TRPM4: variants seen among roughly 807,000 people sequenced by gnomAD.
TRPM4 encodes calcium-activated non-selective cation channel 1.
TRPM4 carries 124 observed loss-of-function variants against 135.6 expected under a neutral mutation model. The ratio of observed to expected loss-of-function variants is 0.91; its 90% confidence interval spans 0.79 to 1.06. The LOEUF is 1.06. TRPM4 is among the 50% of genes least tolerant of loss of function. The probability of loss-of-function intolerance (pLI) is 0.00; values close to 1 mark genes in which losing one functional copy is unlikely to be tolerated. For missense variants in TRPM4, 1,658 were observed against 1,671.4 expected, an observed-to-expected ratio of 0.99 and a Z score of 0.14; for synonymous variants, 745 against 705.6, an observed-to-expected ratio of 1.06 and a Z score of -0.88.
rs750180966 is a variant in TRPM4, at chr19:49,182,955, G to A, written c.1608+33G>A. 10 of 1,582,176 alleles carry A rather than the reference G, an allele frequency of 6.3e-6. No homozygotes were observed. In the Admixed American group the frequency reaches 1.2e-4, roughly 19 times the overall value. ...CCGGGCAAAGCTGGGGGGCCCCCCC[G>A]CGCGGGAAGGACCTGGGGGCGGGAT... On this transcript the variant is annotated intron_variant, in intron 11 of 24. Transcript: ENST00000252826.
intron 16 of TRPM4, among the ~76,000 whole-genome samples, chr19:49,193,140 GCA>G (rs1968475804): frequency 2.7e-5 from 4 of 150,248 alleles, no homozygotes; most frequent in Non-Finnish European, 5.9e-5. Flanking sequence ...GAGTGCAGTG[GCA>G]TGATCTCGGC....
intron 9 of TRPM4, among the ~76,000 whole-genome samples, chr19:49,177,998 T>C (rs1967765508): frequency 6.6e-6 from 1 of 152,034 alleles, no homozygotes; most frequent in South Asian, 2.1e-4. Flanking sequence ...AGGCTGTCCT[T>C]GAGAGGCAGC....
rs369069148 is a variant in TRPM4 at position 49,176,339 on chromosome 19, C to T, written c.1150+4231C>T. 2.0e-3 allele frequency among the ~76,000 whole-genome samples: 302 copies of T among 152,202 alleles called. 3 individuals carry two copies. The South Asian group carries it at 0.036, about 18-fold the overall frequency. On this transcript the variant is annotated intron_variant, in intron 9 of 24. Coordinates refer to ENST00000252826, the MANE Select transcript of TRPM4 (RefSeq NM_017636.4). Reference sequence around the variant, plus strand: ...AGATCCTGGGCTCAAGTGATTCTCTCGCATCAGCCTCTGAGTAGCTGTGCG... The same window carrying T: ...AGATCCTGGGCTCAAGTGATTCTCTTGCATCAGCCTCTGAGTAGCTGTGCG...
chr19:49,179,412 G>A (rs1053009033), intron 9 of TRPM4, among the ~76,000 whole-genome samples: 7 of 151,378 alleles, frequency 4.6e-5, no homozygotes, highest in Middle Eastern at 3.5e-3. Context: ...ATGCAGTGAC[G>A]TGATCTCGGC....
chr19:49,211,721 G>A lies in TRPM4; in HGVS notation c.*223G>A. On this transcript the variant is annotated 3_prime_UTR_variant, in exon 25 of 25. Transcript: ENST00000252826. The surrounding 1 kb of genome is among the most constrained non-coding windows in gnomAD (Gnocchi z 4.8). ...TCCCAGCCTGGGAGGATCAAGGCCTGGATCCCGGGCCGTTATCCATCTGGA... is the reference window on the plus strand; with the variant it reads ...TCCCAGCCTGGGAGGATCAAGGCCTAGATCCCGGGCCGTTATCCATCTGGA... The A allele has an allele frequency of 1.6e-6, 1 of 637,960 alleles. No individual in the cohort carries two copies. Among genetic ancestry groups the A allele is most frequent in the Non-Finnish European group, 2.8e-6 (1 of 363,258 alleles). The allele number at this position is 637,960 out of a possible 1,614,324, so 39.5% of individuals were successfully genotyped here. A position where few individuals can be genotyped will look rare whatever the true frequency, so the allele number is the denominator to read the frequency against.
In TRPM4 at chr19:49,171,963, T is replaced by G. The variant is rs1229098425; in HGVS notation, c.1051-46T>G. 5 of 1,527,380 alleles carry G rather than the reference T, an allele frequency of 3.3e-6. No individual in the cohort carries two copies. The South Asian group carries it at 3.4e-5, about 10-fold the overall frequency. The allele number at this position is 1,527,380 out of a possible 1,614,324, so 94.6% of individuals were successfully genotyped here. On this transcript the variant is annotated intron_variant, in intron 8 of 24. Transcript: ENST00000252826. This position sits in a 1 kb window ranked among gnomAD's most constrained non-coding sequence, Gnocchi z 4.7. ...CCCTTTGGACAGGGCCCAACAGGAGTTGGGGATGGAGGCGGGCTAGGGATG... is the reference window on the plus strand; with the variant it reads ...CCCTTTGGACAGGGCCCAACAGGAGGTGGGGATGGAGGCGGGCTAGGGATG...
intron 20 of TRPM4, among the ~76,000 whole-genome samples, chr19:49,204,144 T>C (rs1969058709): frequency 6.6e-6 from 1 of 152,092 alleles, no homozygotes; most frequent in Non-Finnish European, 1.5e-5. Flanking sequence ...ACATTTGATT[T>C]ACCCGCTCAT....
chr19:49,210,739 A>T lies in TRPM4; in HGVS notation c.3358A>T (p.Lys1120Ter), dbSNP rs1446261499. The change falls in exon 22 of 25, where the codon AAG becomes TAG. Residue 1120 changes from lysine (K) to a stop codon, truncating the protein, a stop_gained. Transcript: ENST00000252826. LOFTEE classifies it high-confidence loss of function. This position sits in a 1 kb window ranked among gnomAD's most constrained non-coding sequence, Gnocchi z 4.1. ...RVYLSKEAER[K>*]LLTWESVHKE... ...TTACCTTTCTAAGGAAGCCGAGCGG[A>T]AGCTGCTAACGTGGGAATCGGTGCA... The T allele has an allele frequency of 1.2e-6, 2 of 1,614,044 alleles. No individual in the cohort carries two copies. Among genetic ancestry groups the T allele is most frequent in the Non-Finnish European group, 1.7e-6 (2 of 1,180,052 alleles).
intron 6 of TRPM4, 49 bp downstream of exon 6, chr19:49,168,785 C>T (rs1967341623): frequency 1.3e-6 from 2 of 1,540,582 alleles, no homozygotes; most frequent in Non-Finnish European, 1.8e-6. Context: ...CAACCTGCAA[C>T]CCCAGCGCTC....
At chr19:49,162,721 A>G (rs1344343316) in intron 2 of TRPM4, among the ~76,000 whole-genome samples, 1 of 152,096 alleles carries the variant, frequency 6.6e-6, no homozygotes, top group Non-Finnish European at 1.5e-5. Flanking sequence ...TCCTGGCCAC[A>G]GGGGGCTACT....
intron 9 of TRPM4, among the ~76,000 whole-genome samples, chr19:49,177,608 G>T (rs1199732920): frequency 5.3e-5 from 8 of 152,134 alleles, no homozygotes; most frequent in African/African-American, 1.4e-4. Flanking sequence ...TTACAGGTGT[G>T]AGCCACCACC....
intron 2 of TRPM4, 199 bp downstream of exon 2, chr19:49,158,458 G>T: frequency 3.2e-6 from 2 of 620,102 alleles, no homozygotes; most frequent in Non-Finnish European, 5.8e-6. Context: ...CCATTCTCCC[G>T]CTCAGGGTCA....
chr19:49,182,676 C>G lies in TRPM4; in HGVS notation c.1362C>G (p.Phe454Leu), dbSNP rs762368652. 1.9e-6 allele frequency: 3 copies of G among 1,614,234 alleles called. No individual in the cohort carries two copies. Among genetic ancestry groups the G allele is most frequent in the South Asian group, 1.1e-5 (1 of 91,088 alleles). ...LISHGLSLGH[F>L]LTPMRLAQLY... is the part of the protein sequence containing the mutation. ...CCCACGGCCTCAGCCTGGGCCACTTCCTGACCCCGATGCGCCTGGCCCAAC... is the reference window on the plus strand; with the variant it reads ...CCCACGGCCTCAGCCTGGGCCACTTGCTGACCCCGATGCGCCTGGCCCAAC... The change falls in exon 11 of 25, where the codon TTC becomes TTG. Residue 454 changes from phenylalanine to leucine, a missense_variant. By Grantham distance (22) the Phe-to-Leu change is conservative. Around this residue, in one of 3 missense-constraint regions of TRPM4, gnomAD observed 1,412 missense variants for 1,408.7 expected, o/e 1.00. Transcript: ENST00000252826.
At position 49,167,931 on chromosome 19, in the gene TRPM4, TG is replaced by T; in HGVS notation, c.283del (p.Asp95ThrfsTer183). The T allele has an allele frequency of 6.2e-7, 1 of 1,614,130 alleles. No homozygotes were observed. Among genetic ancestry groups the T allele is most frequent in the Non-Finnish European group, 8.5e-7 (1 of 1,180,036 alleles). On this transcript the variant is annotated frameshift_variant, in exon 4 of 25. Coordinates refer to ENST00000252826, the MANE Select transcript of TRPM4 (RefSeq NM_017636.4). LOFTEE classifies it high-confidence loss of function. The part of the protein sequence containing the change: ...RKHSNFLRLS[D>X]RTDPAAVYSL... Reference sequence around the variant, plus strand: ...TGTGTCCACAGTTCCTCCGGCTCTCTGACCGAACGGATCCAGCTGCAGTTTA... The same window carrying T: ...TGTGTCCACAGTTCCTCCGGCTCTCTACCGAACGGATCCAGCTGCAGTTTA...
At chr19:49,204,475 C>T (rs940610344) in intron 20 of TRPM4, among the ~76,000 whole-genome samples, 1 of 151,962 alleles carries the variant, frequency 6.6e-6, no homozygotes, top group Admixed American at 6.6e-5. Flanking sequence ...TGGCTCATGC[C>T]TGTAATCCCA....
chr19:49,203,621 T>G (rs1430620490), intron 20 of TRPM4, among the ~76,000 whole-genome samples: 1 of 152,190 alleles, frequency 6.6e-6, no homozygotes. Flanking sequence ...AACTCCCCAC[T>G]TCCCCTCCCC....
intron 12 of TRPM4, among the ~76,000 whole-genome samples, chr19:49,188,035 C>T (rs1292758115): frequency 1.3e-5 from 2 of 152,254 alleles, no homozygotes; most frequent in East Asian, 1.9e-4. Context: ...CCAGAGGCTG[C>T]GTGACCCCTA....
At chr19:49,192,178 C>G (rs759244147) in intron 16 of TRPM4, among the ~76,000 whole-genome samples, 14 of 152,192 alleles carry the variant, frequency 9.2e-5, no homozygotes, top group Non-Finnish European at 1.9e-4. Flanking sequence ...GAGTCTTGCT[C>G]TGTCGCCAGG....
At position 49,171,728 on chromosome 19, in the gene TRPM4, C is replaced by G; in HGVS notation, c.1009C>G (p.Arg337Gly). The change falls in exon 8 of 25, where the codon CGT (arginine) becomes GGT (glycine). Residue 337 changes from arginine to glycine, a missense_variant. Transcript: ENST00000252826. This position sits in a 1 kb window ranked among gnomAD's most constrained non-coding sequence, Gnocchi z 4.7. ...RQGEARDRIR[R>G]FFPKGDLEVL... Reference sequence around the variant, plus strand: ...AGGCGAAGCCCGAGATCGAATCAGGCGTTTCTTTCCCAAAGGGGACCTTGA... The same window carrying G: ...AGGCGAAGCCCGAGATCGAATCAGGGGTTTCTTTCCCAAAGGGGACCTTGA... 6.2e-7 allele frequency: 1 copy of G among 1,612,838 alleles called. No homozygotes were observed. Among genetic ancestry groups the G allele is most frequent in the South Asian group, 1.1e-5 (1 of 91,080 alleles).
Sources: gnomAD v4.1 joint callset for allele counts (sites outside exome capture counted in the v4.1 genomes callset) on GRCh38, gnomAD v4.1.1 for gene constraint, gnomAD v4.1.1 regional missense constraint, Gnocchi (gnomAD v3.1) non-coding constraint, MANE v1.5 for transcripts, NCBI Gene and HGNC (gene_info 2026-07-23, HGNC 2026-07-21) for gene names.